The following PVT1 variants were observed in gnomAD, a reference collection of about 807,000 sequenced individuals.
PVT1 encodes CXCR4/PVT1 fusion.
chr8:128,004,710 C>A (rs1382146275), intron 4 of PVT1, among the ~76,000 whole-genome samples: 2 of 152,340 alleles, frequency 1.3e-5, no homozygotes, highest in South Asian at 4.1e-4. Context: ...CAATTACCTG[C>A]CTCACTTTGC....
chr8:128,079,612 A>C (rs1006251083), intron 5 of PVT1, among the ~76,000 whole-genome samples: 1 of 151,974 alleles, frequency 6.6e-6, no homozygotes, highest in African/African-American at 2.4e-5. Flanking sequence ...TGCTTCCCCT[A>C]TCTCTCCTCA....
rs28407920 is a variant in PVT1 at position 127,936,620 on chromosome 8, G to A, written n.782+45622G>A. On this transcript the variant is annotated intron_variant and non_coding_transcript_variant, in intron 3 of 10. Coordinates refer to ENST00000651587, the Ensembl canonical transcript of PVT1. The stretch of plus-strand genomic sequence containing the variant: ...GCCTTGGAGAAATCATTTCCCTCCC[G>A]CCGTGATTGTTCACCTTCAAAGGTC... 8.7e-3 allele frequency among the ~76,000 whole-genome samples: 1,329 copies of A among 152,188 alleles called. 15 individuals are homozygous for A. The highest frequency in any genetic ancestry group is 0.03 in the African/African-American group (1,247 of 41,520).
chr8:127,796,520 G>T (rs1459973487), intron 2 of PVT1, among the ~76,000 whole-genome samples: 1 of 152,122 alleles, frequency 6.6e-6, no homozygotes. Context: ...CACTCTGGCT[G>T]GATTCTGGAG....
At chr8:127,872,806 A>G (rs1005387410) in intron 2 of PVT1, among the ~76,000 whole-genome samples, 1 of 152,206 alleles carries the variant, frequency 6.6e-6, no homozygotes, top group African/African-American at 2.4e-5. Flanking sequence ...CCATCATGAG[A>G]GTTACAGCAG....
At chr8:127,909,690 CATGGGG>C (rs1456637606) in intron 3 of PVT1, among the ~76,000 whole-genome samples, 1 of 152,038 alleles carries the variant, frequency 6.6e-6, no homozygotes, top group Non-Finnish European at 1.5e-5. Flanking sequence ...CTGGAGCAGG[CATGGGG>C]ATGTGGTGGT....
At chr8:128,038,760 G>T (rs1023573061) in intron 4 of PVT1, among the ~76,000 whole-genome samples, 13 of 152,150 alleles carry the variant, frequency 8.5e-5, no homozygotes, top group African/African-American at 3.1e-4. Context: ...GAGAAGTGGA[G>T]CAGCCCTGCC....
chr8:127,929,604 A>G (rs1195432376), intron 3 of PVT1, among the ~76,000 whole-genome samples: 5 of 152,164 alleles, frequency 3.3e-5, no homozygotes, highest in South Asian at 2.1e-4. Flanking sequence ...GTCTCTACTA[A>G]AAATACAAAA....
chr8:127,892,289 T>C (rs1815621579), intron 3 of PVT1, among the ~76,000 whole-genome samples: 1 of 152,226 alleles, frequency 6.6e-6, no homozygotes, highest in South Asian at 2.1e-4. Flanking sequence ...GTTTCCTGTC[T>C]TTCTCTCACA....
At chr8:127,905,573 A>C (rs1365458723) in intron 3 of PVT1, among the ~76,000 whole-genome samples, 1 of 152,118 alleles carries the variant, frequency 6.6e-6, no homozygotes, top group East Asian at 1.9e-4. Context: ...TGTTTGTATG[A>C]ATGTTTGTTG....
At chr8:127,997,883 C>T (rs577964481) in intron 4 of PVT1, among the ~76,000 whole-genome samples, 1 of 152,360 alleles carries the variant, frequency 6.6e-6, no homozygotes, top group South Asian at 2.1e-4. Flanking sequence ...GTGCCGCTTT[C>T]TCAGACTCTC....
chr8:128,086,039 C>T (rs1371382055), intron 5 of PVT1, among the ~76,000 whole-genome samples: 2 of 152,246 alleles, frequency 1.3e-5, no homozygotes, highest in East Asian at 3.8e-4. Flanking sequence ...CAAATGACAT[C>T]ATGTCACAGT....
chr8:128,061,846 T>C (rs1813835205), intron 4 of PVT1, among the ~76,000 whole-genome samples: 1 of 152,248 alleles, frequency 6.6e-6, no homozygotes, highest in Non-Finnish European at 1.5e-5. Context: ...TCAAACTGTT[T>C]ATTTACAAAT....
intron 3 of PVT1, among the ~76,000 whole-genome samples, chr8:127,962,893 G>A (rs1483082024): frequency 1.3e-5 from 2 of 152,084 alleles, no homozygotes; most frequent in Non-Finnish European, 2.9e-5. Context: ...TCCATGCCTG[G>A]CCTCATCTGC....
chr8:128,011,543 C>G (rs1586480512), intron 4 of PVT1, among the ~76,000 whole-genome samples: 1 of 152,182 alleles, frequency 6.6e-6, no homozygotes, highest in African/African-American at 2.4e-5. Flanking sequence ...ACCATACTAG[C>G]ACCTTGATCT....
At chr8:127,941,994 C>T (rs925544977) in intron 3 of PVT1, among the ~76,000 whole-genome samples, 4 of 152,168 alleles carry the variant, frequency 2.6e-5, no homozygotes, top group Non-Finnish European at 5.9e-5. Flanking sequence ...ACCTGTGGGC[C>T]CATTTTTGTC....
At chr8:127,951,565 G>A (rs1419775168) in intron 3 of PVT1, among the ~76,000 whole-genome samples, 6 of 152,156 alleles carry the variant, frequency 3.9e-5, no homozygotes, top group African/African-American at 4.8e-5. Flanking sequence ...ACTAAAAGGC[G>A]TGTAACAAAG....
intron 3 of PVT1, among the ~76,000 whole-genome samples, chr8:127,969,191 C>G (rs1816735943): frequency 6.6e-6 from 1 of 152,002 alleles, no homozygotes; most frequent in African/African-American, 2.4e-5. Flanking sequence ...GCTGGGAATC[C>G]TCTCTTTCAT....
intron 3 of PVT1, among the ~76,000 whole-genome samples, chr8:127,951,804 C>CA (rs987625044): frequency 6.7e-6 from 1 of 149,320 alleles, no homozygotes; most frequent in African/African-American, 2.4e-5. Flanking sequence ...CTTACAAAAA[C>CA]AAAAACAGAA....
intron 2 of PVT1, among the ~76,000 whole-genome samples, chr8:127,845,111 G>A (rs115041074): frequency 6.6e-6 from 1 of 152,154 alleles, no homozygotes; most frequent in Non-Finnish European, 1.5e-5. Flanking sequence ...GTGGGGAAAG[G>A]TTTCTTAAAT....
Sources: allele counts gnomAD v4.1 joint callset (sites outside exome capture counted in the v4.1 genomes callset), GRCh38; gene constraint gnomAD v4.1.1; transcripts MANE v1.5; gene names NCBI Gene and HGNC (gene_info 2026-07-23, HGNC 2026-07-21).